The following DENND1A variants were observed in gnomAD, a reference collection of about 807,000 sequenced individuals.
DENND1A encodes DENN domain-containing protein 1A.
A neutral mutation model predicts 113.7 loss-of-function variants in DENND1A; 51 were observed. That is an observed-to-expected ratio of 0.45 (90% CI 0.36 to 0.57). The LOEUF is 0.57. Among genes scored for constraint, DENND1A ranks in the 20% least tolerant of loss-of-function variants. The pLI is 0.00. For missense variants in DENND1A, 1,258 were observed against 1,395.9 expected (o/e 0.90, Z 1.57); for synonymous variants, 565 against 570.8 (o/e 0.99, Z 0.14).
At chr9:123,589,245 G>C (rs2059343635) in intron 11 of DENND1A, among the ~76,000 whole-genome samples, 1 of 152,010 alleles carries the variant, frequency 6.6e-6, no homozygotes, top group African/African-American at 2.4e-5. Flanking sequence ...AGAAATTACT[G>C]TATATAATAT....
intron 9 of DENND1A, 42 bp downstream of exon 9, chr9:123,651,971 A>G: frequency 1.3e-6 from 2 of 1,554,066 alleles, no homozygotes. Flanking sequence ...TTTCAATTAA[A>G]ATTAGATCAT....
chr9:123,590,141 C>A (rs1173196539), intron 11 of DENND1A, among the ~76,000 whole-genome samples: 1 of 152,182 alleles, frequency 6.6e-6, no homozygotes, highest in Non-Finnish European at 1.5e-5. Flanking sequence ...CTCAGCCATG[C>A]CTGGCTAGAG....
chr9:123,443,337 C>G (rs2047067049), intron 18 of DENND1A, among the ~76,000 whole-genome samples: 1 of 152,202 alleles, frequency 6.6e-6, no homozygotes, highest in Admixed American at 6.5e-5. Flanking sequence ...ATTTTTGTAT[C>G]TCTATCAACT....
intron 12 of DENND1A, chr9:123,569,406 T>C (rs2058234549): frequency 6.6e-6 from 1 of 152,060 alleles, no homozygotes; most frequent in East Asian, 1.9e-4. Context: ...AGGAAGGAAG[T>C]CTCTTAAACA....
At chr9:123,927,797 C>A (rs1423587177) in intron 1 of DENND1A, among the ~76,000 whole-genome samples, 4 of 152,180 alleles carry the variant, frequency 2.6e-5, no homozygotes, top group Non-Finnish European at 5.9e-5. Flanking sequence ...TTCACCACAG[C>A]CAGGAGAACA....
intron 1 of DENND1A, among the ~76,000 whole-genome samples, chr9:123,890,484 A>T (rs1041771837): frequency 1.3e-5 from 2 of 152,230 alleles, no homozygotes; most frequent in Non-Finnish European, 2.9e-5. Context: ...CCTCCCGCCA[A>T]GCCTGTGAGG....
intron 13 of DENND1A, among the ~76,000 whole-genome samples, chr9:123,546,988 C>T (rs2056742820): frequency 1.3e-5 from 2 of 152,224 alleles, no homozygotes; most frequent in African/African-American, 4.8e-5. Context: ...CATCTTCTCT[C>T]ACTTAGAGAG....
intron 12 of DENND1A, among the ~76,000 whole-genome samples, chr9:123,566,616 T>G (rs2058065758): frequency 6.6e-6 from 1 of 152,140 alleles, no homozygotes; most frequent in Non-Finnish European, 1.5e-5. Flanking sequence ...ATCAAATCCT[T>G]AGAATGACAT....
chr9:123,890,423 A>G (rs1849728563), intron 1 of DENND1A, among the ~76,000 whole-genome samples: 1 of 152,220 alleles, frequency 6.6e-6, no homozygotes, highest in Admixed American at 6.5e-5. Flanking sequence ...ATATGCAACA[A>G]GAACCCCTTG....
chr9:123,813,599 A>G (rs1836984958), intron 2 of DENND1A, among the ~76,000 whole-genome samples: 1 of 152,174 alleles, frequency 6.6e-6, no homozygotes, highest in Admixed American at 6.5e-5. Flanking sequence ...AGGACAGAAC[A>G]TACCAGAATA....
chr9:123,861,586 C>A (rs1186903667), intron 2 of DENND1A, among the ~76,000 whole-genome samples: 1 of 152,128 alleles, frequency 6.6e-6, no homozygotes, highest in Admixed American at 6.5e-5. Context: ...CACCACCAGA[C>A]AATGACCATA....
intron 19 of DENND1A, among the ~76,000 whole-genome samples, chr9:123,430,101 T>A (rs1311198221): frequency 6.6e-6 from 1 of 152,148 alleles, no homozygotes; most frequent in South Asian, 2.1e-4. Context: ...TCAACATCAG[T>A]AGTCATTAGA....
chr9:123,884,529 A>C (rs1848742774), intron 1 of DENND1A, among the ~76,000 whole-genome samples: 2 of 151,222 alleles, frequency 1.3e-5, no homozygotes, highest in Non-Finnish European at 2.9e-5. Flanking sequence ...CCCACCCCCC[A>C]TCTTCTTCAG....
chr9:123,553,487 C>T (rs1444663048), intron 13 of DENND1A, among the ~76,000 whole-genome samples: 1 of 151,704 alleles, frequency 6.6e-6, no homozygotes, highest in Non-Finnish European at 1.5e-5. Context: ...CTCTGCTCAG[C>T]CACTGTCAAT....
intron 12 of DENND1A, among the ~76,000 whole-genome samples, chr9:123,577,672 A>G (rs554071073): frequency 2.0e-5 from 3 of 151,922 alleles, no homozygotes; most frequent in Admixed American, 1.3e-4. Context: ...ACTTCTTTAA[A>G]AAGAAATAGG....
intron 13 of DENND1A, among the ~76,000 whole-genome samples, chr9:123,552,508 T>C (rs1284235091): frequency 6.6e-6 from 1 of 152,186 alleles, no homozygotes; most frequent in Non-Finnish European, 1.5e-5. Context: ...GTGACTGCAG[T>C]AACCTGACAG....
chr9:123,679,227 A>G (rs934338492), intron 5 of DENND1A, among the ~76,000 whole-genome samples: 3 of 152,190 alleles, frequency 2.0e-5, no homozygotes, highest in African/African-American at 4.8e-5. Flanking sequence ...CTGACAGTTT[A>G]GGACTACAGA....
At chr9:123,653,071 T>C (rs2062744647) in intron 8 of DENND1A, among the ~76,000 whole-genome samples, 1 of 152,238 alleles carries the variant, frequency 6.6e-6, no homozygotes, top group Non-Finnish European at 1.5e-5. Flanking sequence ...TGCCAGGCGT[T>C]GCAGTTTATA....
At chr9:123,646,439 T>C (rs1276430774) in intron 9 of DENND1A, among the ~76,000 whole-genome samples, 2 of 152,168 alleles carry the variant, frequency 1.3e-5, no homozygotes, top group East Asian at 1.9e-4. Flanking sequence ...GGAGCTTCTA[T>C]AGCATGTTGG....
Sources: allele counts gnomAD v4.1 joint callset (sites outside exome capture counted in the v4.1 genomes callset), GRCh38; gene constraint gnomAD v4.1.1; transcripts MANE v1.5; gene names NCBI Gene and HGNC (gene_info 2026-07-23, HGNC 2026-07-21).